UBE2O: variants seen among roughly 807,000 people sequenced by gnomAD.
UBE2O encodes the protein (E3-independent) E2 ubiquitin-conjugating enzyme.
A neutral mutation model predicts 125.8 loss-of-function variants in UBE2O; 15 were observed. That is an observed-to-expected ratio of 0.12 (90% CI 0.08 to 0.18). The LOEUF is 0.18. Among genes scored for constraint, UBE2O ranks in the 10% least tolerant of loss-of-function variants. The pLI is 1.00. For missense variants in UBE2O, 1,280 were observed against 1,723.6 expected (o/e 0.74, Z 4.56); for synonymous variants, 708 against 703.2 (o/e 1.01, Z -0.11).
chr17:76,413,372 A>G (rs770544038), intron 1 of UBE2O, among the ~76,000 whole-genome samples: 9 of 152,192 alleles, frequency 5.9e-5, no homozygotes, highest in Non-Finnish European at 1.3e-4. Flanking sequence ...CCAAAGCAGC[A>G]CTTTTTTTCA....
intron 1 of UBE2O, among the ~76,000 whole-genome samples, chr17:76,407,874 T>C (rs2072451088): frequency 6.6e-6 from 1 of 152,238 alleles, no homozygotes; most frequent in Non-Finnish European, 1.5e-5. Context: ...GGGGCTCTTC[T>C]GACCTTTCTA....
At chr17:76,442,625 G>A (rs1181000369) in intron 1 of UBE2O, among the ~76,000 whole-genome samples, 4 of 152,234 alleles carry the variant, frequency 2.6e-5, no homozygotes, top group East Asian at 1.9e-4. Flanking sequence ...GGAAGGGAAC[G>A]GCACAATTGA....
intron 3 of UBE2O, among the ~76,000 whole-genome samples, chr17:76,403,541 G>C (rs973750480): frequency 6.6e-6 from 1 of 152,026 alleles, no homozygotes. Context: ...CAAAGTGTTG[G>C]GATTACAGGG....
rs2072250596 is a variant in UBE2O, at chr17:76,398,194, G to A, written c.2025+61C>T. The stretch of plus-strand genomic sequence containing the variant: ...TAGAGCCACCTGGTGGCAGCATCAG[G>A]GACTGCAGCTGGTGCACAGGGCAGT... On this transcript the variant is annotated intron_variant, in intron 12 of 17. Coordinates refer to ENST00000319380, the MANE Select transcript of UBE2O (RefSeq NM_022066.4). The surrounding 1 kb of genome is among the most constrained non-coding windows in gnomAD (Gnocchi z 5.4). The A allele has an allele frequency of 6.2e-7, 1 of 1,604,808 alleles. No individual in the cohort carries two copies. Among genetic ancestry groups the A allele is most frequent in the South Asian group, 1.1e-5 (1 of 90,664 alleles).
intron 1 of UBE2O, among the ~76,000 whole-genome samples, chr17:76,414,510 G>C (rs1471964304): frequency 6.6e-6 from 1 of 152,194 alleles, no homozygotes; most frequent in Non-Finnish European, 1.5e-5. Context: ...GGTTGCAGGG[G>C]AACTGCACAC....
Position 76,396,640 on chromosome 17 carries a change from G to A in UBE2O, c.2297C>T (p.Pro766Leu), listed in dbSNP as rs1474848424. The change falls in exon 14 of 18, where the codon CCG (proline) becomes CTG (leucine). Residue 766 changes from proline (P) to leucine (L), a missense_variant. Pro to Leu is a moderately conservative substitution (Grantham distance 98). This residue lies in a region of UBE2O where 210 missense variants were observed against 268.9 expected (regional missense o/e 0.78). Coordinates refer to ENST00000319380, the MANE Select transcript of UBE2O (RefSeq NM_022066.4). This position sits in a 1 kb window ranked among gnomAD's most constrained non-coding sequence, Gnocchi z 6.7. Reference protein sequence around the residue: ...EEPPIPPLEQPVAPEDKGVVI... With the variant: ...EEPPIPPLEQLVAPEDKGVVI... ...CACTCCCTTGTCCTCAGGGGCCACC[G>A]GCTGCTCCAGGGGTGGGATGGGGGG... 1 of 1,613,382 alleles carries A rather than the reference G, an allele frequency of 6.2e-7. No homozygotes were observed. The highest frequency in any genetic ancestry group is 8.5e-7 in the Non-Finnish European group (1 of 1,179,900).
At chr17:76,433,815 A>G (rs952737682) in intron 1 of UBE2O, among the ~76,000 whole-genome samples, 1 of 152,132 alleles carries the variant, frequency 6.6e-6, no homozygotes, top group Non-Finnish European at 1.5e-5. Flanking sequence ...TGAGGAAAGG[A>G]GTTTGAGACC....
In UBE2O at chr17:76,389,875, T is replaced by TA. The variant is rs1224159860; in HGVS notation, c.*1067dup. The TA allele has an allele frequency of 6.6e-6, 1 of 152,486 alleles. No homozygotes were observed. The highest frequency in any genetic ancestry group is 2.4e-5 in the African/African-American group (1 of 41,442). The allele number at this position is 152,486 out of a possible 1,614,324, so 9.4% of individuals were successfully genotyped here. ...TTTCCAACCTTAAATATTACATACA[T>TA]ACACCAAAAATTACATAGCTGCAAT... On this transcript the variant is annotated 3_prime_UTR_variant, in exon 18 of 18. Transcript: ENST00000319380.
intron 1 of UBE2O, among the ~76,000 whole-genome samples, chr17:76,448,622 A>G (rs2143926039): frequency 6.6e-6 from 1 of 152,352 alleles, no homozygotes; most frequent in South Asian, 2.1e-4. Flanking sequence ...AACAAAAGAC[A>G]ATGCAAAAGA....
chr17:76,394,802 A>T (rs756174592), intron 15 of UBE2O, among the ~76,000 whole-genome samples: 3 of 152,206 alleles, frequency 2.0e-5, no homozygotes, highest in Non-Finnish European at 4.4e-5. Flanking sequence ...TTTCCACTCA[A>T]AGGATCTGTA....
intron 1 of UBE2O, among the ~76,000 whole-genome samples, chr17:76,438,238 A>G (rs2073028937): frequency 6.6e-6 from 1 of 152,200 alleles, no homozygotes; most frequent in Admixed American, 6.5e-5. Context: ...GGGAATGATG[A>G]AAAGTTCTGG....
intron 13 of UBE2O, among the ~76,000 whole-genome samples, chr17:76,397,376 C>T (rs934605715): frequency 1.3e-5 from 2 of 152,176 alleles, no homozygotes; most frequent in Admixed American, 6.5e-5. Context: ...GAAGGAGAGC[C>T]CGTGTAGCCC....
Position 76,399,823 on chromosome 17 carries a change from C to T in UBE2O, c.1254G>A (p.Lys418=), listed in dbSNP as rs1352625565. Residue 418 remains lysine (K), a synonymous_variant, in exon 9 of 18, where the codon AAG becomes AAA. Transcript: ENST00000319380. This position sits in a 1 kb window ranked among gnomAD's most constrained non-coding sequence, Gnocchi z 6.9. ...RDHSMEDPDK[K]GESKTKSEAE... is the part of the protein sequence containing the mutation. Reference sequence around the variant, plus strand: ...CTTCGCTCTTGGTTTTGGATTCCCCCTTCTTGTCTGGGTCTTCCATGGAAT... The same window carrying T: ...CTTCGCTCTTGGTTTTGGATTCCCCTTTCTTGTCTGGGTCTTCCATGGAAT... 1.2e-6 allele frequency: 2 copies of T among 1,614,090 alleles called. No individual in the cohort carries two copies. The highest frequency in any genetic ancestry group is 4.5e-5 in the East Asian group (2 of 44,884).
rs1310330551 is a variant in UBE2O at position 76,391,407 on chromosome 17, C to A, written c.3415G>T (p.Val1139Leu). Residue 1139 changes from valine (V) to leucine (L), a missense_variant, in exon 18 of 18, where the codon GTG (valine) becomes TTG (leucine). This residue lies in a region of UBE2O where 233 missense variants were observed against 279.0 expected (regional missense o/e 0.84). Transcript: ENST00000319380. The surrounding 1 kb of genome is among the most constrained non-coding windows in gnomAD (Gnocchi z 8.4). ...QHFSTGGWRLVNRIESWLETH... is the reference protein window; with the variant it reads ...QHFSTGGWRLLNRIESWLETH... ...TCCAGCCAGGACTCGATACGGTTCA[C>A]CAGCCGCCAGCCACCAGTGCTAAAG... 1.2e-6 allele frequency: 2 copies of A among 1,613,558 alleles called. No homozygotes were observed. Among genetic ancestry groups the A allele is most frequent in the South Asian group, 1.1e-5 (1 of 91,086 alleles).
chr17:76,436,594 C>A (rs114680846), intron 1 of UBE2O, among the ~76,000 whole-genome samples: 1 of 152,054 alleles, frequency 6.6e-6, no homozygotes, highest in Admixed American at 6.6e-5. Context: ...CTGCCCTGCA[C>A]GCTGTCCCTC....
intron 1 of UBE2O, among the ~76,000 whole-genome samples, chr17:76,422,599 C>T (rs901932323): frequency 1.4e-4 from 21 of 152,322 alleles, no homozygotes; most frequent in Middle Eastern, 3.4e-3. Context: ...AGCCGAGGCA[C>T]GCCAGGCTTG....
Position 76,400,120 on chromosome 17 carries a change from C to A in UBE2O, c.1155+27G>T. The A allele has an allele frequency of 6.2e-7, 1 of 1,603,442 alleles. No homozygotes were observed. The highest frequency in any genetic ancestry group is 1.1e-5 in the South Asian group (1 of 89,962). ...GCTCAAGGCCAGTTCCTCAAATGCCCACCAATCCCCAACCCCAAGGACATA... is the reference window on the plus strand; with the variant it reads ...GCTCAAGGCCAGTTCCTCAAATGCCAACCAATCCCCAACCCCAAGGACATA... On this transcript the variant is annotated intron_variant, in intron 8 of 17. Transcript: ENST00000319380. The surrounding 1 kb of genome is among the most constrained non-coding windows in gnomAD (Gnocchi z 4.3).
Position 76,391,684 on chromosome 17 carries a change from A to AG in UBE2O, c.3208+71dup. On this transcript the variant is annotated intron_variant, in intron 17 of 17. Coordinates refer to ENST00000319380, the MANE Select transcript of UBE2O (RefSeq NM_022066.4). This position sits in a 1 kb window ranked among gnomAD's most constrained non-coding sequence, Gnocchi z 8.4. ...AATGCAGGCCTACCCTCCACCTGCC[A>AG]GGGGGACTATCAGAGTCACTTTCCT... is the stretch of plus-strand genomic sequence containing the variant. 1.2e-6 allele frequency: 2 copies of AG among 1,605,270 alleles called. No individual in the cohort carries two copies. Among genetic ancestry groups the AG allele is most frequent in the Middle Eastern group, 1.7e-4 (1 of 6,018 alleles).
intron 1 of UBE2O, among the ~76,000 whole-genome samples, chr17:76,435,271 A>G (rs924667316): frequency 6.6e-6 from 1 of 152,214 alleles, no homozygotes; most frequent in African/African-American, 2.4e-5. Flanking sequence ...TCACACACAT[A>G]GAGTTTGGTC....
Sources: gnomAD v4.1 joint callset for allele counts (sites outside exome capture counted in the v4.1 genomes callset) on GRCh38, gnomAD v4.1.1 for gene constraint, gnomAD v4.1.1 regional missense constraint, Gnocchi (gnomAD v3.1) non-coding constraint, MANE v1.5 for transcripts, NCBI Gene and HGNC (gene_info 2026-07-23, HGNC 2026-07-21) for gene names.